KATNIP: variants seen among roughly 807,000 people sequenced by gnomAD.
KATNIP encodes katanin interacting protein, also known as katanin-interacting protein.
In KATNIP, 126 loss-of-function variants were observed where a neutral mutation model predicts 174.0. That is an observed-to-expected ratio of 0.72 (90% CI 0.63 to 0.84). KATNIP has a LOEUF of 0.84. KATNIP is among the 40% of genes least tolerant of loss of function. KATNIP has a pLI of 0.00. For synonymous variants in KATNIP, 810 were observed against 835.7 expected (o/e 0.97, Z 0.53); for missense variants, 1,958 against 2,109.7 (o/e 0.93, Z 1.41).
chr16:27,747,839 G>C (rs575287622), intron 15 of KATNIP, among the ~76,000 whole-genome samples: 2 of 152,118 alleles, frequency 1.3e-5, no homozygotes, highest in Admixed American at 6.5e-5. Flanking sequence ...CCACAGGAGC[G>C]GGTCGCCTTC....
intron 3 of KATNIP, among the ~76,000 whole-genome samples, chr16:27,626,201 C>T (rs985021623): frequency 6.6e-6 from 1 of 150,862 alleles, no homozygotes; most frequent in African/African-American, 2.4e-5. Flanking sequence ...ACTCCCCCGC[C>T]CCCCACTGAA....
Position 27,637,152 on chromosome 16 carries a change from AAT to A in KATNIP, c.408+5992_408+5993del, listed in dbSNP as rs1340259074. Among the ~76,000 whole-genome samples, 1 of 152,196 alleles carries A rather than the reference AAT, an allele frequency of 6.6e-6. No homozygotes were observed. Among genetic ancestry groups the A allele is most frequent in the Non-Finnish European group, 1.5e-5 (1 of 68,036 alleles). On this transcript the variant is annotated intron_variant, in intron 5 of 27. Transcript: ENST00000261588. The surrounding 1 kb of genome is among the most constrained non-coding windows in gnomAD (Gnocchi z 4.7). ...CTGAAGCAGTGCCTGGCACAGGAGA[AAT>A]AGTGAATGGTGCTGCCTGTTGTTGT...
intron 5 of KATNIP, among the ~76,000 whole-genome samples, chr16:27,638,190 A>T (rs1421271020): frequency 6.6e-6 from 1 of 152,106 alleles, no homozygotes; most frequent in Non-Finnish European, 1.5e-5. Flanking sequence ...ATCGGCTATG[A>T]CTAGAGCCCC....
intron 2 of KATNIP, among the ~76,000 whole-genome samples, chr16:27,595,729 G>T (rs1004491225): frequency 2.0e-5 from 3 of 152,182 alleles, no homozygotes; most frequent in Non-Finnish European, 4.4e-5. Context: ...AAATAAAGAA[G>T]CAAAATATAA....
chr16:27,635,830 C>A (rs548609165), intron 5 of KATNIP, among the ~76,000 whole-genome samples: 1 of 152,040 alleles, frequency 6.6e-6, no homozygotes, highest in Non-Finnish European at 1.5e-5. Flanking sequence ...TCGAAGCTTG[C>A]CAACATTTAA....
chr16:27,747,333 T>G (rs931934063), intron 15 of KATNIP, among the ~76,000 whole-genome samples: 1 of 152,122 alleles, frequency 6.6e-6, no homozygotes, highest in African/African-American at 2.4e-5. Context: ...GGCATTTCAG[T>G]GGCGGGTTAG....
rs1388022763 is a variant in KATNIP at position 27,777,572 on chromosome 16, C to T, written c.4552-38C>T. The T allele has an allele frequency of 7.7e-6, 12 of 1,565,156 alleles. No homozygotes were observed. The African/African-American group carries it at 9.5e-5, about 12-fold the overall frequency. On this transcript the variant is annotated intron_variant, in intron 25 of 27. Transcript: ENST00000261588. The surrounding 1 kb of genome is among the most constrained non-coding windows in gnomAD (Gnocchi z 4.4). Reference sequence around the variant, plus strand: ...CTGCCCAAGGTCAACGTGGGAGGGACGAGGGGGACCCATGAGTCCTGCCCC... The same window carrying T: ...CTGCCCAAGGTCAACGTGGGAGGGATGAGGGGGACCCATGAGTCCTGCCCC...
At chr16:27,711,454 A>G (rs563510568) in intron 13 of KATNIP, among the ~76,000 whole-genome samples, 2 of 152,312 alleles carry the variant, frequency 1.3e-5, no homozygotes, top group Admixed American at 1.3e-4. Flanking sequence ...AGATGGAGAA[A>G]AGGATAAAGC....
In KATNIP at chr16:27,616,104, G is replaced by A. The variant is rs183039641; in HGVS notation, c.64-2321G>A. On this transcript the variant is annotated intron_variant, in intron 2 of 27. Coordinates refer to ENST00000261588, the MANE Select transcript of KATNIP (RefSeq NM_015202.5). ...AACAGCAAATTGGCCAGGTGCGGTG[G>A]CTCGCACCTGTAGTACCAACACTTT... Among the ~76,000 whole-genome samples the A allele has an allele frequency of 4.4e-4, 67 of 152,344 alleles. 1 individual carries two copies. The highest frequency in any genetic ancestry group is 1.5e-3 in the African/African-American group (64 of 41,578).
intron 2 of KATNIP, among the ~76,000 whole-genome samples, chr16:27,582,123 AGGTG>A (rs2141789741): frequency 6.6e-6 from 1 of 152,326 alleles, no homozygotes; most frequent in Non-Finnish European, 1.5e-5. Flanking sequence ...CAGAAAAGAC[AGGTG>A]ACTTTTCTGT....
chr16:27,729,788 C>T (rs775775771), intron 14 of KATNIP, among the ~76,000 whole-genome samples: 24 of 152,218 alleles, frequency 1.6e-4, no homozygotes, highest in Non-Finnish European at 2.5e-4. Flanking sequence ...CTTTGATCCT[C>T]TGACTTCCCT....
intron 1 of KATNIP, among the ~76,000 whole-genome samples, chr16:27,569,540 T>C (rs2090211158): frequency 6.6e-6 from 1 of 152,264 alleles, no homozygotes; most frequent in Admixed American, 6.5e-5. Context: ...GTGGCATATA[T>C]TGATATTAAT....
chr16:27,626,137 T>A (rs2076326705), intron 3 of KATNIP, among the ~76,000 whole-genome samples: 1 of 152,222 alleles, frequency 6.6e-6, no homozygotes, highest in African/African-American at 2.4e-5. Context: ...ATTACAGGCA[T>A]GAGCCACTGT....
intron 1 of KATNIP, among the ~76,000 whole-genome samples, chr16:27,563,434 CT>C (rs2089964478): frequency 6.6e-6 from 1 of 152,134 alleles, no homozygotes; most frequent in African/African-American, 2.4e-5. Flanking sequence ...GGGTGTATCG[CT>C]TGAGCCTGGG....
chr16:27,678,109 GC>G, intron 7 of KATNIP, 113 bp downstream of exon 7: 1 of 1,210,686 alleles, frequency 8.3e-7, no homozygotes, highest in Non-Finnish European at 1.2e-6. Flanking sequence ...TGTCTCACAG[GC>G]CAGGGAGGTA....
At chr16:27,662,050 A>ATG (rs2077535642) in intron 6 of KATNIP, among the ~76,000 whole-genome samples, 2 of 8,132 alleles carry the variant, frequency 2.5e-4, no homozygotes, top group Non-Finnish European at 6.5e-4. Context: ...ATACACATAC[A>ATG]TATATATATA....
In KATNIP at chr16:27,713,830, A is replaced by ACACATAT. The variant is rs2079785028; in HGVS notation, c.1605+4910_1605+4911insCACATAT. Among the ~76,000 whole-genome samples, 2 of 69,126 alleles carry ACACATAT rather than the reference A, an allele frequency of 2.9e-5. 1 individual carries two copies. The highest frequency in any genetic ancestry group is 1.4e-4 in the African/African-American group (2 of 14,642). 45.3% of individuals were successfully genotyped at this position (69,126 alleles called of 152,430 possible). Reference sequence around the variant, plus strand: ...TATACATATATATATATATATATATATATATATATATATATATATATATAT... The same window carrying ACACATAT: ...TATACATATATATATATATATATATACACATATTATATATATATATATATATATATAT... On this transcript the variant is annotated intron_variant, in intron 13 of 27. Transcript: ENST00000261588.
At chr16:27,676,924 G>A (rs921963677) in intron 6 of KATNIP, among the ~76,000 whole-genome samples, 5 of 151,980 alleles carry the variant, frequency 3.3e-5, no homozygotes, top group Non-Finnish European at 5.9e-5. Flanking sequence ...CTTTTGCCTC[G>A]GCCTCCCAAA....
At chr16:27,559,077 A>G (rs1470750552) in intron 1 of KATNIP, among the ~76,000 whole-genome samples, 2 of 152,220 alleles carry the variant, frequency 1.3e-5, no homozygotes, top group Non-Finnish European at 1.5e-5. Context: ...ATCTGGTCCC[A>G]TGACTGCTTC....
Sources: allele counts gnomAD v4.1 joint callset (sites outside exome capture counted in the v4.1 genomes callset), GRCh38; gene constraint gnomAD v4.1.1; non-coding constraint Gnocchi (gnomAD v3.1); transcripts MANE v1.5; gene names NCBI Gene and HGNC (gene_info 2026-07-23, HGNC 2026-07-21).